ACACA: variants seen among roughly 807,000 people sequenced by gnomAD.
ACACA encodes the protein acetyl-CoA carboxylase 1.
In ACACA, 103 loss-of-function variants were observed where a neutral mutation model predicts 296.1. The observed-to-expected ratio is 0.35, with a 90% CI of 0.30 to 0.41. The LOEUF (loss-of-function observed/expected upper bound fraction) is 0.41. Among genes scored for constraint, ACACA ranks in the 10% least tolerant of loss-of-function variants. ACACA has a pLI of 1.00. For synonymous variants in ACACA, 953 were observed against 1,038.6 expected (o/e 0.92, Z 1.58); for missense variants, 1,554 against 2,989.7 (o/e 0.52, Z 11.20).
chr17:37,314,552 A>C (rs1198765663), intron 3 of ACACA, among the ~76,000 whole-genome samples: 1 of 152,050 alleles, frequency 6.6e-6, no homozygotes, highest in African/African-American at 2.4e-5. Context: ...ACTCTCCTGG[A>C]AAGTATTAGA....
chr17:37,222,123 G>A, intron 28 of ACACA: 1 of 455,564 alleles, frequency 2.2e-6, no homozygotes, highest in East Asian at 4.2e-5. Flanking sequence ...CCTGGAGAAG[G>A]TTTAATCTTT....
At position 37,174,000 on chromosome 17, in the gene ACACA, A is replaced by ATTTTTTTT. The variant is rs2076993731; in HGVS notation, c.5079+5259_5079+5260insAAAAAAAA. Among the ~76,000 whole-genome samples the ATTTTTTTT allele has an allele frequency of 2.1e-4, 2 of 9,532 alleles. 1 individual carries two copies. The highest frequency in any genetic ancestry group is 1.7e-3 in the African/African-American group (2 of 1,152). The allele number at this position is 9,532 out of a possible 152,430, so 6.3% of individuals were successfully genotyped here. A position where few individuals can be genotyped will look rare whatever the true frequency, so the allele number is the denominator to read the frequency against. ...GGCTAATTTATATATATATATATAT[A>ATTTTTTTT]TATATATATATATATATATATTTTT... On this transcript the variant is annotated intron_variant, in intron 41 of 55. Transcript: ENST00000616317.
Position 37,384,692 on chromosome 17 carries a change from T to C in ACACA, c.38+21570A>G, listed in dbSNP as rs192119323. On this transcript the variant is annotated intron_variant, in intron 1 of 55. Transcript: ENST00000616317. ...GACTAGCACTATGATGAAAATGTTC[T>C]TGTTTTTTCTTTTGAACTTGTTGAC... is the stretch of plus-strand genomic sequence containing the variant. 9.2e-4 allele frequency among the ~76,000 whole-genome samples: 140 copies of C among 152,362 alleles called. 1 individual carries two copies. Among genetic ancestry groups the C allele is most frequent in the African/African-American group, 3.1e-3 (130 of 41,600 alleles).
intron 43 of ACACA, among the ~76,000 whole-genome samples, chr17:37,151,671 C>CTT (rs550880189): frequency 6.6e-6 from 1 of 150,726 alleles, no homozygotes; most frequent in African/African-American, 2.4e-5. Context: ...AGCCTTTTTT[C>CTT]TTTTTTTTTG....
Position 37,244,634 on chromosome 17 carries a change from T to C in ACACA, c.2696A>G (p.Asn899Ser), listed in dbSNP as rs774339938. ...TGGAAGGCAGTATCCATTCATTACA[T>C]TGACCAGATTATCCAGGACATAATG... ...VFHYVLDNLV[N>S]VMNGYCLPDP... The change falls in exon 21 of 56, where the codon AAT becomes AGT. Residue 899 changes from asparagine to serine, a missense_variant. By Grantham distance (46) the Asn-to-Ser change is conservative. This residue lies in a region of ACACA where 316 missense variants were observed against 540.9 expected (regional missense o/e 0.58). Transcript: ENST00000616317. The C allele has an allele frequency of 2.5e-6, 4 of 1,614,200 alleles. No individual in the cohort carries two copies. Among genetic ancestry groups the C allele is most frequent in the East Asian group, 4.5e-5 (2 of 44,882 alleles).
At chr17:37,276,183 A>C in intron 7 of ACACA, 134 bp from the exon 8 acceptor site, 2 of 713,666 alleles carry the variant, frequency 2.8e-6, no homozygotes, top group Non-Finnish European at 5.1e-6. Flanking sequence ...CAAGGAGATC[A>C]TAAATTATGG....
At chr17:37,337,920 A>G (rs1597637912) in intron 2 of ACACA, among the ~76,000 whole-genome samples, 1 of 151,876 alleles carries the variant, frequency 6.6e-6, no homozygotes, top group African/African-American at 2.4e-5. Flanking sequence ...ACATGGTGAA[A>G]CCCCATCTCT....
chr17:37,119,901 T>C (rs1173472866), intron 50 of ACACA, among the ~76,000 whole-genome samples: 5 of 150,084 alleles, frequency 3.3e-5, no homozygotes, highest in African/African-American at 4.9e-5. Flanking sequence ...CTTTCTTTTT[T>C]TTTTTTTTTG....
chr17:37,403,719 A>C (rs2051367923), intron 1 of ACACA, among the ~76,000 whole-genome samples: 1 of 152,156 alleles, frequency 6.6e-6, no homozygotes, highest in South Asian at 2.1e-4. Flanking sequence ...AATTGGTCTA[A>C]GTAGAGCCTA....
chr17:37,345,505 A>T (rs1486974380), intron 1 of ACACA: 1 of 152,200 alleles, frequency 6.6e-6, no homozygotes, highest in Non-Finnish European at 1.5e-5. Context: ...TCTTAAATAT[A>T]AACAGACAAT....
intron 52 of ACACA, among the ~76,000 whole-genome samples, chr17:37,101,701 T>C (rs529156747): frequency 2.0e-5 from 3 of 152,344 alleles, no homozygotes; most frequent in South Asian, 4.1e-4. Flanking sequence ...GGTTCTATCT[T>C]AGTCCCAATT....
At chr17:37,157,229 A>C (rs1385150513) in intron 42 of ACACA, among the ~76,000 whole-genome samples, 1 of 152,228 alleles carries the variant, frequency 6.6e-6, no homozygotes, top group Non-Finnish European at 1.5e-5. Flanking sequence ...GCTATGAGAC[A>C]TGAGGATATC....
At position 37,259,427 on chromosome 17, in the gene ACACA, C is replaced by T. The variant is rs1172063879; in HGVS notation, c.1433G>A (p.Arg478Gln). The T allele has an allele frequency of 1.2e-6, 2 of 1,614,104 alleles. No individual in the cohort carries two copies. The highest frequency in any genetic ancestry group is 1.7e-6 in the Non-Finnish European group (2 of 1,180,024). ...GSFYFLELNP[R>Q]LQVEHPCTEM... ...TGTACAAGGGTGCTCTACCTGCAGC[C>T]GAGGATTCAATTCCAGAAAGTAGAA... Residue 478 changes from arginine to glutamine, a missense_variant, in exon 12 of 56, where the codon CGG becomes CAG. Around this residue, in one of 16 missense-constraint regions of ACACA, gnomAD observed 82 missense variants for 185.2 expected, o/e 0.44. Coordinates refer to ENST00000616317, the MANE Select transcript of ACACA (RefSeq NM_198834.3).
At chr17:37,390,187 TTATA>T (rs1461005397) in intron 1 of ACACA, among the ~76,000 whole-genome samples, 3 of 44,688 alleles carry the variant, frequency 6.7e-5, no homozygotes, top group Non-Finnish European at 1.1e-4. Flanking sequence ...CACACACACA[TTATA>T]TATAAATATA....
rs1429328377 is a variant in ACACA at position 37,390,320 on chromosome 17, A to AT, written c.38+15941dup. On this transcript the variant is annotated intron_variant, in intron 1 of 55. Coordinates refer to ENST00000616317, the MANE Select transcript of ACACA (RefSeq NM_198834.3). ...TATACATAATTATATATATATATAT[A>AT]TATATATATATATAAAAGGCCAGCT... 6.5e-4 allele frequency among the ~76,000 whole-genome samples: 31 copies of AT among 47,910 alleles called. 1 individual carries two copies. The highest frequency in any genetic ancestry group is 8.8e-4 in the African/African-American group (8 of 9,046). The allele number at this position is 47,910 out of a possible 152,430, so 31.4% of individuals were successfully genotyped here. A position where few individuals can be genotyped will look rare whatever the true frequency, so the allele number is the denominator to read the frequency against.
chr17:37,141,343 C>G, intron 45 of ACACA: 1 of 459,564 alleles, frequency 2.2e-6, no homozygotes, highest in East Asian at 5.9e-5. Flanking sequence ...GGGCCCAGGC[C>G]CTGTTCACGG....
At chr17:37,272,836 T>G (rs1338690574) in intron 9 of ACACA, among the ~76,000 whole-genome samples, 1 of 152,098 alleles carries the variant, frequency 6.6e-6, no homozygotes, top group Non-Finnish European at 1.5e-5. Flanking sequence ...TAATAAAGAT[T>G]TGTATATGAT....
intron 51 of ACACA, 24 bp from the exon 52 acceptor site, chr17:37,111,667 C>T: frequency 6.4e-7 from 1 of 1,573,564 alleles, no homozygotes. Flanking sequence ...AAAGAAAAAA[C>T]AAAACAGAAA....
chr17:37,169,178 A>G (rs2076795656), intron 41 of ACACA, among the ~76,000 whole-genome samples: 1 of 152,242 alleles, frequency 6.6e-6, no homozygotes, highest in African/African-American at 2.4e-5. Flanking sequence ...ATACAACACA[A>G]TAATCCAGTT....
Sources: allele counts gnomAD v4.1 joint callset (sites outside exome capture counted in the v4.1 genomes callset), GRCh38; gene constraint gnomAD v4.1.1; regional missense constraint gnomAD v4.1.1; transcripts MANE v1.5; gene names NCBI Gene and HGNC (gene_info 2026-07-23, HGNC 2026-07-21).